Variants in NEK11 observed in about 807,000 individuals in gnomAD.
NEK11 encodes the protein NIMA related kinase 11.
In NEK11, 72 loss-of-function variants were observed where a neutral mutation model predicts 80.7. The observed-to-expected ratio is 0.89, with a 90% CI of 0.74 to 1.08. The LOEUF (loss-of-function observed/expected upper bound fraction) is 1.08, where lower values mean the gene tolerates loss of function less well. Among genes scored for constraint, NEK11 ranks in the 50% least tolerant of loss-of-function variants. The probability of loss-of-function intolerance (pLI) is 0.00; values close to 1 mark genes in which losing one functional copy is unlikely to be tolerated. For synonymous variants in NEK11, 251 were observed against 260.7 expected (o/e 0.96, Z 0.36); for missense variants, 764 against 763.6 (o/e 1.00, Z -0.01).
intron 14 of NEK11, among the ~76,000 whole-genome samples, chr3:131,206,965 C>T (rs2094458854): frequency 6.6e-6 from 1 of 152,142 alleles, no homozygotes; most frequent in Non-Finnish European, 1.5e-5. Flanking sequence ...TGGTTTCCAG[C>T]TTCATCCATG....
intron 2 of NEK11, among the ~76,000 whole-genome samples, chr3:131,029,218 G>C (rs2064414771): frequency 6.6e-6 from 1 of 152,248 alleles, no homozygotes; most frequent in Non-Finnish European, 1.5e-5. Context: ...TATAAGGTGA[G>C]AAGAGGGCAT....
chr3:131,160,992 G>A (rs2091475861), intron 10 of NEK11, among the ~76,000 whole-genome samples: 1 of 151,998 alleles, frequency 6.6e-6, no homozygotes, highest in African/African-American at 2.4e-5. Flanking sequence ...AGACCATCCT[G>A]GCCAACACGG....
Position 131,080,433 on chromosome 3 carries a change from A to C in NEK11, c.181A>C (p.Lys61Gln), listed in dbSNP as rs1418229661. The C allele has an allele frequency of 6.3e-7, 1 of 1,595,630 alleles. No individual in the cohort carries two copies. The highest frequency in any genetic ancestry group is 8.5e-7 in the Non-Finnish European group (1 of 1,175,384). ...AKRGEELKVL[K>Q]EISVGELNPN... ...TTTTTTTGATCTCAGAAAGGTACTTAAGGAAATATCTGTTGGAGAACTAAA... is the reference window on the plus strand; with the variant it reads ...TTTTTTTGATCTCAGAAAGGTACTTCAGGAAATATCTGTTGGAGAACTAAA... Residue 61 changes from lysine to glutamine, a missense_variant, in exon 4 of 18, where the codon AAG becomes CAG. Transcript: ENST00000383366.
intron 16 of NEK11, among the ~76,000 whole-genome samples, chr3:131,272,463 C>CTTTTTTTTTTTTTTTTTTTTTTTTTTTT (rs869304359): frequency 4.6e-5 from 2 of 43,900 alleles, no homozygotes; most frequent in African/African-American, 1.8e-4. Context: ...GTTTTAGCTT[C>CTTTTTTTTTTTTTTTTTTTTTTTTTTTT]TTTTTTTTTT....
intron 4 of NEK11, among the ~76,000 whole-genome samples, chr3:131,099,625 G>A (rs915732234): frequency 8.5e-5 from 13 of 152,074 alleles, no homozygotes; most frequent in Admixed American, 4.6e-4. Flanking sequence ...CCATTTATTA[G>A]TGTCATCACT....
intron 16 of NEK11, 54 bp downstream of exon 16, chr3:131,243,550 G>T (rs2095550443): frequency 1.4e-6 from 2 of 1,422,382 alleles, no homozygotes; most frequent in Non-Finnish European, 2.0e-6. Flanking sequence ...GATTATCTTG[G>T]AATAACTTGG....
intron 17 of NEK11, among the ~76,000 whole-genome samples, chr3:131,279,209 G>C (rs1030888795): frequency 1.3e-5 from 2 of 151,876 alleles, no homozygotes; most frequent in African/African-American, 4.8e-5. Flanking sequence ...AATTAGCCGG[G>C]CATGGTGGCA....
chr3:131,056,236 T>C (rs923311828), intron 3 of NEK11, among the ~76,000 whole-genome samples: 2 of 152,180 alleles, frequency 1.3e-5, no homozygotes, highest in Non-Finnish European at 2.9e-5. Flanking sequence ...CTGGAATGAA[T>C]GGGCGCTATG....
intron 3 of NEK11, among the ~76,000 whole-genome samples, chr3:131,036,079 C>T (rs1403487627): frequency 6.6e-6 from 1 of 152,192 alleles, no homozygotes; most frequent in Admixed American, 6.5e-5. Flanking sequence ...TATGCACTGA[C>T]AAATATTCAG....
intron 5 of NEK11, among the ~76,000 whole-genome samples, chr3:131,122,499 G>A (rs889058923): frequency 6.6e-6 from 1 of 152,226 alleles, no homozygotes; most frequent in Non-Finnish European, 1.5e-5. Flanking sequence ...ATGAAGAAAG[G>A]CAGGTGCCTC....
intron 16 of NEK11, among the ~76,000 whole-genome samples, chr3:131,271,850 G>A (rs887037996): frequency 1.3e-5 from 2 of 151,796 alleles, no homozygotes; most frequent in Non-Finnish European, 2.9e-5. Context: ...CAGCAGTTTG[G>A]GAGGCCGAGG....
intron 16 of NEK11, among the ~76,000 whole-genome samples, chr3:131,244,166 C>G (rs2095561428): frequency 6.6e-6 from 1 of 151,950 alleles, no homozygotes; most frequent in Non-Finnish European, 1.5e-5. Context: ...CAAAAGCAAT[C>G]TCTTCAAAGG....
rs764947085 is a variant in NEK11, at chr3:131,165,510, T to C, written c.1167T>C (p.Asp389=). 1.0e-5 allele frequency: 16 copies of C among 1,601,778 alleles called. No individual in the cohort carries two copies. The East Asian group carries it at 3.1e-4, about 31-fold the overall frequency. ...GGAACTTTCAGCAGCTGAGTGTTGATGTACTCCATGTAAGTACCCTCTTAT... is the reference window on the plus strand; with the variant it reads ...GGAACTTTCAGCAGCTGAGTGTTGACGTACTCCATGTAAGTACCCTCTTAT... The part of the protein sequence containing the change: ...RSRNFQQLSV[D]VLHEKTHLKG... Residue 389 remains aspartate (D), a synonymous_variant, in exon 12 of 18, where the codon GAT becomes GAC. Coordinates refer to ENST00000383366, the MANE Select transcript of NEK11 (RefSeq NM_024800.5).
At chr3:131,153,726 G>A (rs925111170) in intron 9 of NEK11, among the ~76,000 whole-genome samples, 5 of 152,168 alleles carry the variant, frequency 3.3e-5, no homozygotes, top group African/African-American at 9.7e-5. Context: ...TGACACCAGG[G>A]GATGCCAAAA....
chr3:131,030,326 T>A (rs1482307772), intron 3 of NEK11, among the ~76,000 whole-genome samples: 2 of 152,160 alleles, frequency 1.3e-5, no homozygotes, highest in South Asian at 2.1e-4. Flanking sequence ...CTAATTAATC[T>A]TTCATATTAG....
chr3:131,105,365 AT>A (rs2149307323), intron 4 of NEK11, among the ~76,000 whole-genome samples: 1 of 152,318 alleles, frequency 6.6e-6, no homozygotes, highest in Admixed American at 6.5e-5. Context: ...TTTTAGAAAA[AT>A]TTATAAATAG....
intron 17 of NEK11, among the ~76,000 whole-genome samples, chr3:131,291,380 G>A (rs2096541997): frequency 6.6e-6 from 1 of 152,050 alleles, no homozygotes; most frequent in Non-Finnish European, 1.5e-5. Context: ...AAATAAAGCT[G>A]CTATAAACAT....
At chr3:131,249,675 A>G (rs2095665453) in intron 16 of NEK11, among the ~76,000 whole-genome samples, 1 of 152,168 alleles carries the variant, frequency 6.6e-6, no homozygotes, top group South Asian at 2.1e-4. Context: ...GGACTCCTTC[A>G]GGTTCAGAAA....
intron 17 of NEK11, among the ~76,000 whole-genome samples, chr3:131,279,425 T>C (rs1171465095): frequency 2.6e-5 from 4 of 152,198 alleles, no homozygotes; most frequent in African/African-American, 9.7e-5. Flanking sequence ...AAAACTCACC[T>C]CTTTTTATAT....
Sources: allele counts gnomAD v4.1 joint callset (sites outside exome capture counted in the v4.1 genomes callset), GRCh38; gene constraint gnomAD v4.1.1; transcripts MANE v1.5; gene names NCBI Gene and HGNC (gene_info 2026-07-23, HGNC 2026-07-21).